XKR9: variants seen among roughly 807,000 people sequenced by gnomAD.
The protein encoded by XKR9 is XK related 9.
XKR9 carries 32 observed loss-of-function variants against 32.0 expected under a neutral mutation model. That is an observed-to-expected ratio of 1.00 (90% CI 0.76 to 1.34). The LOEUF (loss-of-function observed/expected upper bound fraction) is 1.34. Ranked by LOEUF, XKR9 falls within the 40% of genes most tolerant of loss-of-function variation. XKR9 has a pLI of 0.00. For synonymous variants in XKR9, 168 were observed against 143.4 expected, an observed-to-expected ratio of 1.17 and a Z score of -1.22; for missense variants, 546 against 429.7, an observed-to-expected ratio of 1.27 and a Z score of -2.39.
the XKR9 span, among the ~76,000 whole-genome samples, chr8:71,035,823 T>C: frequency 6.6e-6 from 1 of 152,120 alleles, no homozygotes; most frequent in African/African-American, 2.4e-5. Flanking sequence ...CAGCAGACCA[T>C]AAAATAACTC....
chr8:71,038,632 G>A, the XKR9 span, among the ~76,000 whole-genome samples: 1 of 149,512 alleles, frequency 6.7e-6, no homozygotes, highest in East Asian at 2.0e-4. Flanking sequence ...GATTTCTTTA[G>A]TCATCTTATA....
the XKR9 span, among the ~76,000 whole-genome samples, chr8:70,821,200 C>G: frequency 1.3e-5 from 2 of 152,196 alleles, no homozygotes; most frequent in Non-Finnish European, 2.9e-5. Context: ...GTCTGAAATC[C>G]AATAGGGCAG....
chr8:70,910,529 A>G, the XKR9 span, among the ~76,000 whole-genome samples: 2 of 152,358 alleles, frequency 1.3e-5, no homozygotes, highest in African/African-American at 2.4e-5. Flanking sequence ...CCCATTTATT[A>G]GAACCCTATT....
At chr8:70,906,953 G>T in the XKR9 span, among the ~76,000 whole-genome samples, 2 of 152,030 alleles carry the variant, frequency 1.3e-5, no homozygotes, top group Admixed American at 1.3e-4. Flanking sequence ...TGCATAGTTT[G>T]TATAACTACC....
At chr8:71,035,754 A>G in the XKR9 span, among the ~76,000 whole-genome samples, 6 of 152,168 alleles carry the variant, frequency 3.9e-5, no homozygotes, top group Non-Finnish European at 7.3e-5. Context: ...GAACCTTAGT[A>G]TTTGAGAAAC....
chr8:70,736,444 T>G (rs1219669847), downstream of XKR9, among the ~76,000 whole-genome samples: 1 of 152,188 alleles, frequency 6.6e-6, no homozygotes, highest in Non-Finnish European at 1.5e-5. Context: ...GGTAATTTCT[T>G]TTGCTGTGCA....
the XKR9 span, among the ~76,000 whole-genome samples, chr8:71,020,541 G>A: frequency 6.6e-6 from 1 of 152,154 alleles, no homozygotes; most frequent in African/African-American, 2.4e-5. Flanking sequence ...TGCACAAATA[G>A]GAGAAGATAG....
intron 3 of XKR9, among the ~76,000 whole-genome samples, chr8:70,688,635 C>G (rs565243519): frequency 6.6e-6 from 1 of 151,560 alleles, no homozygotes; most frequent in African/African-American, 2.4e-5. Flanking sequence ...CCAGGATGGT[C>G]TTGATCTCCT....
chr8:71,027,127 G>C, the XKR9 span, among the ~76,000 whole-genome samples: 1 of 151,848 alleles, frequency 6.6e-6, no homozygotes, highest in Admixed American at 6.6e-5. Context: ...GTTTTATATG[G>C]CTTACCCTAA....
intron 4 of XKR9, among the ~76,000 whole-genome samples, chr8:70,715,080 T>C (rs1451257262): frequency 2.0e-5 from 3 of 152,202 alleles, no homozygotes; most frequent in African/African-American, 7.2e-5. Context: ...AATCGACTAT[T>C]GTGCCTTCAC....
chr8:70,680,034 A>G (rs888053208), intron 2 of XKR9, among the ~76,000 whole-genome samples: 1 of 152,068 alleles, frequency 6.6e-6, no homozygotes, highest in Non-Finnish European at 1.5e-5. Context: ...GTAGCAGTAT[A>G]GAGAGAAAAC....
rs762767980 is a variant in XKR9 at position 70,681,066 on chromosome 8, A to G, written c.8A>G (p.Tyr3Cys). MK[Y>C]TKQNFMMSVL... ...AAGCTATAGTCATTCGTAATGAAAT[A>G]TACTAAACAGAATTTTATGATGTCA... The change falls in exon 3 of 5, where the codon TAT (tyrosine) becomes TGT (cysteine). Residue 3 changes from tyrosine to cysteine, a missense_variant. Physicochemically the swap from Tyr to Cys is radical, Grantham distance 194. Transcript: ENST00000408926. 1.2e-6 allele frequency: 2 copies of G among 1,611,232 alleles called. No homozygotes were observed. Among genetic ancestry groups the G allele is most frequent in the South Asian group, 1.1e-5 (1 of 90,832 alleles).
intron 4 of XKR9, among the ~76,000 whole-genome samples, chr8:70,714,704 C>G (rs997942465): frequency 6.6e-6 from 1 of 152,014 alleles, no homozygotes; most frequent in African/African-American, 2.4e-5. Flanking sequence ...GGTAAAGTGA[C>G]TAATTTTAAC....
intron 2 of XKR9, among the ~76,000 whole-genome samples, chr8:70,746,469 TTATA>T (rs1285818210): frequency 1.4e-5 from 2 of 147,964 alleles, no homozygotes; most frequent in Non-Finnish European, 3.0e-5. Flanking sequence ...TAAAATATAA[TTATA>T]TATTATAATT....
chr8:70,947,921 C>A, the XKR9 span, among the ~76,000 whole-genome samples: 3 of 152,120 alleles, frequency 2.0e-5, no homozygotes, highest in African/African-American at 7.2e-5. Flanking sequence ...AGTTTGCATC[C>A]TTTATGATTT....
chr8:70,741,081 A>G (rs1357373054), intron 2 of XKR9, among the ~76,000 whole-genome samples: 4 of 152,262 alleles, frequency 2.6e-5, no homozygotes, highest in African/African-American at 9.6e-5. Context: ...GGTGGAGCCT[A>G]CAGAGGCAGG....
At chr8:71,026,444 T>C in the XKR9 span, among the ~76,000 whole-genome samples, 6 of 152,152 alleles carry the variant, frequency 3.9e-5, no homozygotes, top group Non-Finnish European at 8.8e-5. Context: ...ATACATAAGG[T>C]GATAGGGCTT....
At chr8:70,744,629 A>G (rs1402204792) in intron 2 of XKR9, among the ~76,000 whole-genome samples, 1 of 152,196 alleles carries the variant, frequency 6.6e-6, no homozygotes, top group Non-Finnish European at 1.5e-5. Flanking sequence ...TTTTTGTGAT[A>G]GAGTCTTGCT....
chr8:70,781,232 A>T (rs1480269797), intron 2 of XKR9, among the ~76,000 whole-genome samples: 2 of 152,100 alleles, frequency 1.3e-5, no homozygotes, highest in Non-Finnish European at 1.5e-5. Context: ...TTGGAAAAAT[A>T]TCTATTAAAA....
Sources: allele counts gnomAD v4.1 joint callset (sites outside exome capture counted in the v4.1 genomes callset), GRCh38; gene constraint gnomAD v4.1.1; transcripts MANE v1.5; gene names NCBI Gene and HGNC (gene_info 2026-07-23, HGNC 2026-07-21).